The following KCNQ3 variants were observed in gnomAD, a reference collection of about 807,000 sequenced individuals.
The protein encoded by KCNQ3 is potassium voltage-gated channel subfamily KQT member 3.
KCNQ3 carries 30 observed loss-of-function variants against 92.5 expected under a neutral mutation model. The ratio of observed to expected loss-of-function variants is 0.32; its 90% CI spans 0.24 to 0.44. The LOEUF (loss-of-function observed/expected upper bound fraction) is 0.44, where lower values mean the gene tolerates loss of function less well. Among genes scored for constraint, KCNQ3 ranks in the 20% least tolerant of loss-of-function variants. The probability of loss-of-function intolerance (pLI) is 1.00; values close to 1 mark genes in which losing one functional copy is unlikely to be tolerated. For missense variants in KCNQ3, 913 were observed against 1,140.3 expected, an observed-to-expected ratio of 0.80 and a Z score of 2.87; for synonymous variants, 450 against 468.8, an observed-to-expected ratio of 0.96 and a Z score of 0.52.
Position 132,129,564 on chromosome 8 carries a change from G to T in KCNQ3, c.2317C>A (p.Arg773=). The T allele has an allele frequency of 6.2e-7, 1 of 1,614,180 alleles. No homozygotes were observed. The highest frequency in any genetic ancestry group is 8.5e-7 in the Non-Finnish European group (1 of 1,180,042). The change falls in exon 15 of 15, where the codon CGA becomes AGA. Residue 773 remains arginine, a synonymous_variant. Coordinates refer to ENST00000388996, the MANE Select transcript of KCNQ3 (RefSeq NM_004519.4). The surrounding 1 kb of genome is among the most constrained non-coding windows in gnomAD (Gnocchi z 5.9). ...QADLQGPYSD[R]ISPRQRRSIT... is the part of the protein sequence containing the mutation. ...CTACGTCTCTGCCGGGGGGAGATTC[G>T]GTCCGAGTAGGGGCCCTGCAGGTCA... is the stretch of plus-strand genomic sequence containing the variant.
At chr8:132,308,481 C>T (rs200940254) in intron 1 of KCNQ3, among the ~76,000 whole-genome samples, 1 of 152,000 alleles carries the variant, frequency 6.6e-6, no homozygotes, top group Admixed American at 6.6e-5. Flanking sequence ...ATTGAGGAGC[C>T]AAGAAGCCAT....
At chr8:132,142,737 T>A (rs1164681257) in intron 9 of KCNQ3, among the ~76,000 whole-genome samples, 1 of 152,166 alleles carries the variant, frequency 6.6e-6, no homozygotes, top group Non-Finnish European at 1.5e-5. Context: ...GGGTTTGCGA[T>A]AATTTTGTGT....
intron 1 of KCNQ3, among the ~76,000 whole-genome samples, chr8:132,453,489 G>A (rs149985226): frequency 4.3e-4 from 65 of 152,196 alleles, no homozygotes; most frequent in African/African-American, 1.4e-3. Context: ...GTGTATCTTC[G>A]GCTGTTCTTA....
chr8:132,148,523 A>T (rs1466235302), intron 9 of KCNQ3, among the ~76,000 whole-genome samples: 12 of 152,196 alleles, frequency 7.9e-5, no homozygotes, highest in African/African-American at 2.7e-4. Flanking sequence ...CCTTTGTGTG[A>T]TGGTTAATTT....
At chr8:132,305,416 C>G (rs1817388821) in intron 1 of KCNQ3, among the ~76,000 whole-genome samples, 1 of 152,228 alleles carries the variant, frequency 6.6e-6, no homozygotes, top group Non-Finnish European at 1.5e-5. Flanking sequence ...CATCTTAGGA[C>G]TAACCCCACA....
At chr8:132,259,973 C>T (rs913963108) in intron 1 of KCNQ3, among the ~76,000 whole-genome samples, 2 of 152,086 alleles carry the variant, frequency 1.3e-5, no homozygotes, top group Non-Finnish European at 2.9e-5. Context: ...CTGACAACTA[C>T]AAAACATTGT....
chr8:132,167,139 A>C (rs1826165671), intron 8 of KCNQ3, among the ~76,000 whole-genome samples: 1 of 152,208 alleles, frequency 6.6e-6, no homozygotes, highest in African/African-American at 2.4e-5. Context: ...ATGAAACTTG[A>C]AAACATTATG....
At chr8:132,234,251 CACTT>C (rs1165452103) in intron 1 of KCNQ3, among the ~76,000 whole-genome samples, 1 of 150,964 alleles carries the variant, frequency 6.6e-6, no homozygotes, top group Non-Finnish European at 1.5e-5. Flanking sequence ...TATCAGGTCT[CACTT>C]AGTCTTTGCT....
intron 1 of KCNQ3, among the ~76,000 whole-genome samples, chr8:132,407,505 G>A (rs72721057): frequency 0.029 from 4,355 of 152,198 alleles, 78 homozygotes; most frequent in Non-Finnish European, 0.046. Flanking sequence ...TACTTCAGAC[G>A]GGCTTCACTT....
At position 132,480,133 on chromosome 8, in the gene KCNQ3, G is replaced by A; in HGVS notation, c.386+14C>T. 6.2e-7 allele frequency: 1 copy of A among 1,608,462 alleles called. No homozygotes were observed. Among genetic ancestry groups the A allele is most frequent in the Admixed American group, 1.7e-5 (1 of 59,622 alleles). ...CGCCGCCGCCGAGGGCGCCCCGAGC[G>A]GCCGGGTACTCACACCAACGCGTGG... On this transcript the variant is annotated intron_variant, in intron 1 of 14. Transcript: ENST00000388996.
At chr8:132,182,950 A>C (rs1158349050) in intron 3 of KCNQ3, among the ~76,000 whole-genome samples, 1 of 151,754 alleles carries the variant, frequency 6.6e-6, no homozygotes, top group Non-Finnish European at 1.5e-5. Flanking sequence ...TCTGAGAAAA[A>C]CCCCAAACCT....
chr8:132,190,617 G>C (rs1279169736), intron 1 of KCNQ3, among the ~76,000 whole-genome samples: 3 of 152,156 alleles, frequency 2.0e-5, no homozygotes, highest in African/African-American at 7.2e-5. Flanking sequence ...ATGGGATATT[G>C]GGGAGTCCTC....
intron 8 of KCNQ3, among the ~76,000 whole-genome samples, chr8:132,168,727 G>A (rs1489503919): frequency 8.4e-5 from 1 of 11,924 alleles, no homozygotes; most frequent in African/African-American, 2.2e-4. Context: ...ATGTGTGTGT[G>A]TGTGTGTGTG....
intron 1 of KCNQ3, among the ~76,000 whole-genome samples, chr8:132,417,840 G>T (rs1436722566): frequency 5.3e-5 from 8 of 152,238 alleles, no homozygotes; most frequent in Admixed American, 5.2e-4. Context: ...TGGAACCTCT[G>T]TGGACAACAA....
chr8:132,183,261 ACT>A (rs1343889242), intron 3 of KCNQ3, among the ~76,000 whole-genome samples: 1 of 152,062 alleles, frequency 6.6e-6, no homozygotes, highest in Non-Finnish European at 1.5e-5. Context: ...GTAAAAGAAG[ACT>A]CTTCTGGAGT....
chr8:132,441,129 C>G (rs986720319), intron 1 of KCNQ3, among the ~76,000 whole-genome samples: 21 of 151,942 alleles, frequency 1.4e-4, no homozygotes, highest in Non-Finnish European at 1.5e-5. Context: ...TGGTGGGGCC[C>G]AGTACACTCT....
chr8:132,160,917 G>C (rs1050032502), intron 9 of KCNQ3, among the ~76,000 whole-genome samples: 10 of 152,104 alleles, frequency 6.6e-5, no homozygotes, highest in African/African-American at 2.4e-4. Flanking sequence ...CCTACCTCAG[G>C]GCATCATGAG....
At chr8:132,400,894 A>T (rs1231048478) in intron 1 of KCNQ3, among the ~76,000 whole-genome samples, 1 of 152,170 alleles carries the variant, frequency 6.6e-6, no homozygotes, top group Non-Finnish European at 1.5e-5. Context: ...GGCAGGTAGC[A>T]TTGTTGGTCG....
chr8:132,405,045 C>T (rs1287929783), intron 1 of KCNQ3, among the ~76,000 whole-genome samples: 1 of 152,156 alleles, frequency 6.6e-6, no homozygotes, highest in Non-Finnish European at 1.5e-5. Flanking sequence ...TTTCCCATAA[C>T]AAACAATCTG....
Sources: allele counts gnomAD v4.1 joint callset (sites outside exome capture counted in the v4.1 genomes callset), GRCh38; gene constraint gnomAD v4.1.1; non-coding constraint Gnocchi (gnomAD v3.1); transcripts MANE v1.5; gene names NCBI Gene and HGNC (gene_info 2026-07-23, HGNC 2026-07-21).